TESMIN: variants seen among roughly 807,000 people sequenced by gnomAD.
TESMIN encodes CXC domain containing 2.
TESMIN carries 34 observed loss-of-function variants against 47.4 expected under a neutral mutation model. That is an observed-to-expected ratio of 0.72 (90% CI 0.55 to 0.96). The LOEUF (loss-of-function observed/expected upper bound fraction) is 0.96. Ranked by LOEUF, TESMIN falls within the 40% of genes least tolerant of loss-of-function variation. The pLI is 0.00. For missense variants in TESMIN, 610 were observed against 637.2 expected, an observed-to-expected ratio of 0.96 and a Z score of 0.46; for synonymous variants, 278 against 258.9, an observed-to-expected ratio of 1.07 and a Z score of -0.71.
chr11:68,735,570 C>T (rs1320091994), intron 6 of TESMIN, among the ~76,000 whole-genome samples: 1 of 152,168 alleles, frequency 6.6e-6, no homozygotes, highest in Non-Finnish European at 1.5e-5. Flanking sequence ...GAGGAGTCCA[C>T]CAAGTCAGCA....
intron 5 of TESMIN, among the ~76,000 whole-genome samples, chr11:68,740,899 C>A (rs1416791204): frequency 6.6e-6 from 1 of 152,126 alleles, no homozygotes; most frequent in African/African-American, 2.4e-5. Flanking sequence ...AAACGGAACT[C>A]CTGGACGCCT....
intron 8 of TESMIN, 68 bp downstream of exon 8, chr11:68,713,202 A>G (rs748422862): frequency 1.0e-5 from 15 of 1,466,008 alleles, no homozygotes; most frequent in Admixed American, 4.6e-5. Context: ...AAGTTTTTTT[A>G]ACCACAAAAG....
intron 1 of TESMIN, 50 bp from the exon 2 acceptor site, chr11:68,750,749 G>C: frequency 3.2e-6 from 3 of 923,676 alleles, no homozygotes; most frequent in Non-Finnish European, 4.5e-6. Context: ...GACGAGGGGA[G>C]GGGCGGCCAG....
chr11:68,743,234 CTT>C (rs57435562), intron 4 of TESMIN, among the ~76,000 whole-genome samples: 1,708 of 123,002 alleles, frequency 0.014, 25 homozygotes, highest in African/African-American at 0.048. Context: ...ACAGGAACTA[CTT>C]TTTTTTTTTT....
At chr11:68,735,474 A>G (rs914447522) in intron 6 of TESMIN, among the ~76,000 whole-genome samples, 1 of 152,220 alleles carries the variant, frequency 6.6e-6, no homozygotes, top group African/African-American at 2.4e-5. Context: ...GGCATTTACT[A>G]TAAATCACTG....
chr11:68,729,263 C>T (rs891680061), intron 6 of TESMIN, among the ~76,000 whole-genome samples: 2 of 152,270 alleles, frequency 1.3e-5, no homozygotes, highest in African/African-American at 2.4e-5. Context: ...TGGTGGCTCA[C>T]GCCTGTAATC....
chr11:68,747,871 T>C (rs1946541131), intron 2 of TESMIN, among the ~76,000 whole-genome samples: 3 of 152,064 alleles, frequency 2.0e-5, no homozygotes, highest in African/African-American at 4.8e-5. Context: ...TTACCAAAGA[T>C]ATGGAGAAAT....
chr11:68,729,211 A>T (rs912399781), intron 6 of TESMIN, among the ~76,000 whole-genome samples: 1 of 152,230 alleles, frequency 6.6e-6, no homozygotes, highest in Admixed American at 6.5e-5. Context: ...AAAAATATCA[A>T]CATTGAAAGG....
At chr11:68,728,350 C>A (rs1333089310) in intron 6 of TESMIN, among the ~76,000 whole-genome samples, 1 of 152,176 alleles carries the variant, frequency 6.6e-6, no homozygotes, top group African/African-American at 2.4e-5. Context: ...GAGCAAGGCC[C>A]TAATGCTTGT....
At position 68,745,079 on chromosome 11, in the gene TESMIN, C is replaced by G; in HGVS notation, c.663G>C (p.Met221Ile). ...VICQLKGGTQ[M>I]LCIDNSRTRE... The stretch of plus-strand genomic sequence containing the variant: ...TTGTTCTAGAATTGTCTATACATAG[C>G]ATTTGTGTGCCCCCTTTCAATTGGC... The change falls in exon 4 of 10, where the codon ATG (methionine) becomes ATC (isoleucine). Residue 221 changes from methionine (M) to isoleucine (I), a missense_variant. By Grantham distance (10) the Met-to-Ile change is conservative. Transcript: ENST00000255087. The G allele has an allele frequency of 1.3e-6, 2 of 1,585,232 alleles. No homozygotes were observed. The highest frequency in any genetic ancestry group is 1.7e-6 in the Non-Finnish European group (2 of 1,172,908).
At chr11:68,745,472 C>T (rs1427143117) in intron 3 of TESMIN, among the ~76,000 whole-genome samples, 1 of 152,184 alleles carries the variant, frequency 6.6e-6, no homozygotes, top group Admixed American at 6.5e-5. Context: ...CCACCATTGA[C>T]ATGAGCAGAA....
At chr11:68,728,367 C>T (rs1290137752) in intron 6 of TESMIN, among the ~76,000 whole-genome samples, 3 of 152,160 alleles carry the variant, frequency 2.0e-5, no homozygotes, top group East Asian at 1.9e-4. Flanking sequence ...TTGTCAATTC[C>T]GTTAAGGCTG....
chr11:68,745,255 G>T, intron 3 of TESMIN, 144 bp from the exon 4 acceptor site: 10 of 440,586 alleles, frequency 2.3e-5, no homozygotes, highest in Non-Finnish European at 2.1e-5. Context: ...ATCTGTTTTC[G>T]ATTTCTTACT....
rs1028970059 is a variant in TESMIN at position 68,715,895 on chromosome 11, T to C, written c.962A>G (p.Asn321Ser). ...FASGDFCNNC[N>S]CNNCCNNLHH... ...CAAGTTGTTGCAACAATTATTACAATTGCAGTTGTTGCAAAAGTCCCCACT... is the reference window on the plus strand; with the variant it reads ...CAAGTTGTTGCAACAATTATTACAACTGCAGTTGTTGCAAAAGTCCCCACT... The change falls in exon 7 of 10, where the codon AAT becomes AGT. Residue 321 changes from asparagine to serine, a missense_variant. By Grantham distance (46) the Asn-to-Ser change is conservative (BLOSUM62 1). Coordinates refer to ENST00000255087, the MANE Select transcript of TESMIN (RefSeq NM_004923.3). 3 of 1,613,694 alleles carry C rather than the reference T, an allele frequency of 1.9e-6. No individual in the cohort carries two copies.
chr11:68,739,470 T>A (rs1946430872), intron 5 of TESMIN, among the ~76,000 whole-genome samples: 1 of 152,240 alleles, frequency 6.6e-6, no homozygotes, highest in Non-Finnish European at 1.5e-5. Context: ...ATTATTTGCA[T>A]ATATCACAAT....
intron 5 of TESMIN, 46 bp downstream of exon 5, chr11:68,742,272 G>C (rs771481787): frequency 2.6e-6 from 3 of 1,164,808 alleles, no homozygotes; most frequent in African/African-American, 3.1e-5. Flanking sequence ...AATTTTAAGA[G>C]ACAATAATGC....
At position 68,750,502 on chromosome 11, in the gene TESMIN, G is replaced by T; in HGVS notation, c.159C>A (p.Tyr53Ter). 2 of 1,603,724 alleles carry T rather than the reference G, an allele frequency of 1.2e-6. No homozygotes were observed. The highest frequency in any genetic ancestry group is 1.7e-6 in the Non-Finnish European group (2 of 1,175,744). Reference protein sequence around the residue: ...EDEFHVFKEAYLGPADPKEPV... With the variant: ...EDEFHVFKEA ...GTTCCTTGGGGTCCGCCGGGCCCAG[G>T]TACGCTTCTTTGAAGACGTGGAACT... Residue 53 changes from tyrosine (Y) to a stop codon, truncating the protein, a stop_gained, in exon 2 of 10, where the codon TAC becomes TAA. Transcript: ENST00000255087. LOFTEE classifies it high-confidence loss of function.
intron 6 of TESMIN, chr11:68,736,924 T>C: frequency 1.0e-6 from 1 of 985,362 alleles, no homozygotes; most frequent in Non-Finnish European, 1.2e-6. Context: ...CAAATGCCCA[T>C]CGGCTGCAAC....
downstream of TESMIN, among the ~76,000 whole-genome samples, chr11:68,706,087 A>T (rs1259867077): frequency 1.3e-5 from 2 of 151,972 alleles, no homozygotes; most frequent in Non-Finnish European, 1.5e-5. Flanking sequence ...AAATAAGAAC[A>T]TGATATGTTA....
Sources: gnomAD v4.1 joint callset for allele counts (sites outside exome capture counted in the v4.1 genomes callset) on GRCh38, gnomAD v4.1.1 for gene constraint, MANE v1.5 for transcripts, NCBI Gene and HGNC (gene_info 2026-07-23, HGNC 2026-07-21) for gene names.